Variants in LRCH1 observed in about 807,000 individuals in gnomAD.
LRCH1 encodes leucine-rich repeat and calponin homology domain-containing protein 1.
Under a neutral mutation model 94.9 loss-of-function variants are expected in LRCH1, and 23 were observed. That is an observed-to-expected ratio of 0.24 (90% CI 0.17 to 0.34). The LOEUF (loss-of-function observed/expected upper bound fraction) is 0.34. LRCH1 is among the 10% of genes least tolerant of loss of function. LRCH1 has a pLI of 1.00. For synonymous variants in LRCH1, 364 were observed against 354.9 expected, an observed-to-expected ratio of 1.03 and a Z score of -0.29; for missense variants, 790 against 945.9, an observed-to-expected ratio of 0.84 and a Z score of 2.16.
chr13:46,660,503 T>G (rs911484966), intron 2 of LRCH1, among the ~76,000 whole-genome samples: 28 of 152,160 alleles, frequency 1.8e-4, no homozygotes, highest in African/African-American at 6.7e-4. Flanking sequence ...AGACATAAAG[T>G]CTTAGGATTT....
At position 46,743,042 on chromosome 13, in the gene LRCH1, G is replaced by A. The variant is rs1873747121; in HGVS notation, c.*1194G>A. 2.0e-6 allele frequency: 2 copies of A among 985,398 alleles called. No homozygotes were observed. The highest frequency in any genetic ancestry group is 9.4e-5 in the South Asian group (2 of 21,282). 61.0% of individuals were successfully genotyped at this position (985,398 alleles called of 1,614,324 possible). On this transcript the variant is annotated 3_prime_UTR_variant, in exon 20 of 20. Coordinates refer to ENST00000389797, the MANE Select transcript of LRCH1 (RefSeq NM_001164211.2). ...CCAGAATGTCCCTGGATTCAGGGGT[G>A]TCTTTGTATAATATGAGAGGGCCTT...
At chr13:46,699,476 G>A (rs1299732391) in intron 10 of LRCH1, 73 bp downstream of exon 10, 2 of 1,363,474 alleles carry the variant, frequency 1.5e-6, no homozygotes, top group Non-Finnish European at 2.1e-6. Flanking sequence ...CAGTTCTGTT[G>A]TGATAGAATT....
chr13:46,692,966 CTTTTTTTT>C (rs556715797), intron 8 of LRCH1, among the ~76,000 whole-genome samples: 5 of 128,206 alleles, frequency 3.9e-5, no homozygotes, highest in East Asian at 2.3e-4. Flanking sequence ...AGATAAAATT[CTTTTTTTT>C]TTTTTTTTTT....
chr13:46,747,416 C>T (rs1448878403), downstream of LRCH1, among the ~76,000 whole-genome samples: 1 of 152,196 alleles, frequency 6.6e-6, no homozygotes, highest in East Asian at 1.9e-4. Context: ...GGAGCCACTG[C>T]TCATCAGGCC....
At chr13:46,564,785 G>A (rs991734245) in intron 1 of LRCH1, among the ~76,000 whole-genome samples, 1 of 152,238 alleles carries the variant, frequency 6.6e-6, no homozygotes, top group Admixed American at 6.5e-5. Flanking sequence ...TTTGTTAGAA[G>A]CGAAAATGCT....
intron 19 of LRCH1, among the ~76,000 whole-genome samples, chr13:46,735,838 C>T (rs1366873028): frequency 6.8e-6 from 1 of 146,574 alleles, no homozygotes; most frequent in Non-Finnish European, 1.5e-5. Context: ...TGTCACCTGG[C>T]CAGACTGGAG....
At position 46,629,536 on chromosome 13, in the gene LRCH1, T is replaced by C. The variant is rs73485974; in HGVS notation, c.308-20665T>C. Among the ~76,000 whole-genome samples, 880 of 152,282 alleles carry C rather than the reference T, an allele frequency of 5.8e-3. 7 individuals carry two copies. The highest frequency in any genetic ancestry group is 0.019 in the African/African-American group (770 of 41,550). ...TGTAACTCAGCCTTTGATTCTGTCT[T>C]CAGCAAGCCCCAGCATCCTCAGGGC... On this transcript the variant is annotated intron_variant, in intron 1 of 19. Transcript: ENST00000389797.
intron 1 of LRCH1, among the ~76,000 whole-genome samples, chr13:46,595,490 T>C (rs2050551105): frequency 6.6e-6 from 1 of 152,218 alleles, no homozygotes; most frequent in East Asian, 1.9e-4. Flanking sequence ...CACTTGGTGA[T>C]GGATATAAGC....
intron 1 of LRCH1, among the ~76,000 whole-genome samples, chr13:46,613,164 G>A (rs2050765816): frequency 6.6e-6 from 1 of 152,182 alleles, no homozygotes; most frequent in African/African-American, 2.4e-5. Context: ...GGCCAAGGCA[G>A]GAGGATCACG....
At chr13:46,579,407 G>T (rs552098405) in intron 1 of LRCH1, among the ~76,000 whole-genome samples, 1 of 151,418 alleles carries the variant, frequency 6.6e-6, no homozygotes, top group East Asian at 1.9e-4. Context: ...TGAAATTATT[G>T]TGTCTTTTTG....
chr13:46,635,561 C>T (rs986005870), intron 1 of LRCH1, among the ~76,000 whole-genome samples: 2 of 150,318 alleles, frequency 1.3e-5, no homozygotes, highest in African/African-American at 4.9e-5. Context: ...AGCTCTGCCT[C>T]CCAGGTTCTC....
At position 46,685,990 on chromosome 13, in the gene LRCH1, G is replaced by A. The variant is rs1302899098; in HGVS notation, c.771G>A (p.Gln257=). ...VIPICFREMK[Q]LQVLLLENNP... is the part of the protein sequence containing the mutation. ...CAATTTGTTTTAGAGAGATGAAGCA[G>A]CTGCAAGTGTTACTACTTGAGAATA... Residue 257 remains glutamine, a synonymous_variant, in exon 5 of 20, where the codon CAG becomes CAA. Transcript: ENST00000389797. The A allele has an allele frequency of 6.2e-7, 1 of 1,609,952 alleles. No homozygotes were observed. Among genetic ancestry groups the A allele is most frequent in the East Asian group, 2.2e-5 (1 of 44,738 alleles).
chr13:46,648,345 C>T (rs530044500), intron 1 of LRCH1, among the ~76,000 whole-genome samples: 2 of 152,324 alleles, frequency 1.3e-5, no homozygotes, highest in African/African-American at 4.8e-5. Context: ...GCCTGACACT[C>T]ACCTCCTGCT....
At chr13:46,673,813 G>A (rs926176149) in intron 3 of LRCH1, among the ~76,000 whole-genome samples, 27 of 140,602 alleles carry the variant, frequency 1.9e-4, no homozygotes, top group African/African-American at 6.1e-4. Flanking sequence ...GGAGTGCAGC[G>A]GCTGTCGCCG....
chr13:46,616,928 T>G (rs1034524334), intron 1 of LRCH1, among the ~76,000 whole-genome samples: 1 of 152,170 alleles, frequency 6.6e-6, no homozygotes, highest in Admixed American at 6.5e-5. Context: ...TGAGGAGAAT[T>G]ACAAAGAACC....
At chr13:46,616,694 G>A (rs1283563369) in intron 1 of LRCH1, among the ~76,000 whole-genome samples, 2 of 152,144 alleles carry the variant, frequency 1.3e-5, no homozygotes, top group Admixed American at 6.5e-5. Context: ...TTTTAGAGAC[G>A]GCACCAAATT....
chr13:46,696,247 C>A (rs983352363), intron 9 of LRCH1, among the ~76,000 whole-genome samples: 1 of 151,626 alleles, frequency 6.6e-6, no homozygotes, highest in Non-Finnish European at 1.5e-5. Context: ...TTATATTCTG[C>A]CACCAAACAT....
At chr13:46,571,152 A>C (rs1386695666) in intron 1 of LRCH1, among the ~76,000 whole-genome samples, 1 of 152,238 alleles carries the variant, frequency 6.6e-6, no homozygotes, top group African/African-American at 2.4e-5. Context: ...CAATTGTTAC[A>C]ATATGTTAGA....
At chr13:46,583,994 C>T (rs931816500) in intron 1 of LRCH1, among the ~76,000 whole-genome samples, 1 of 139,884 alleles carries the variant, frequency 7.1e-6, no homozygotes, top group Non-Finnish European at 1.6e-5. Context: ...ACTTTTCACA[C>T]GTTTTTCCTT....
Sources: allele counts gnomAD v4.1 joint callset (sites outside exome capture counted in the v4.1 genomes callset), GRCh38; gene constraint gnomAD v4.1.1; transcripts MANE v1.5; gene names NCBI Gene and HGNC (gene_info 2026-07-23, HGNC 2026-07-21).